Variants in CCDC7 observed in about 807,000 individuals in gnomAD.
CCDC7 encodes the protein coiled-coil domain-containing protein 7.
A neutral mutation model predicts 196.9 loss-of-function variants in CCDC7; 183 were observed. The ratio of observed to expected loss-of-function variants is 0.93; its 90% CI spans 0.82 to 1.05. CCDC7 has a LOEUF of 1.05. Ranked by LOEUF, CCDC7 falls within the 50% of genes least tolerant of loss-of-function variation. CCDC7 has a pLI of 0.00. For synonymous variants in CCDC7, 525 were observed against 484.6 expected (o/e 1.08, Z -1.10); for missense variants, 1,540 against 1,482.2 (o/e 1.04, Z -0.64).
At chr10:32,596,627 C>T (rs577579819) in intron 18 of CCDC7, among the ~76,000 whole-genome samples, 77 of 152,268 alleles carry the variant, frequency 5.1e-4, no homozygotes, top group African/African-American at 1.8e-3. Context: ...TTCCTAGCCT[C>T]GACGATCTTT....
At chr10:32,882,052 T>C (rs527833582), downstream of CCDC7, among the ~76,000 whole-genome samples, 150 of 152,236 alleles carry the variant, frequency 9.9e-4, 3 homozygotes, top group Middle Eastern at 0.014. Context: ...ACAAAGTCCA[T>C]AAGAGCCAGT....
intron 5 of CCDC7, among the ~76,000 whole-genome samples, chr10:32,470,102 A>G (rs1422678521): frequency 6.6e-6 from 1 of 152,026 alleles, no homozygotes; most frequent in South Asian, 2.1e-4. Flanking sequence ...CCAAGCTCAG[A>G]CTTCTAGTGC....
intron 13 of CCDC7, among the ~76,000 whole-genome samples, chr10:32,562,893 G>T (rs180962816): frequency 3.3e-5 from 5 of 151,932 alleles, no homozygotes; most frequent in Admixed American, 1.3e-4. Context: ...TGTCATCTGG[G>T]CTAGAAAACC....
chr10:32,799,966 G>A (rs1433768049), intron 29 of CCDC7, among the ~76,000 whole-genome samples: 2 of 152,210 alleles, frequency 1.3e-5, no homozygotes, highest in East Asian at 3.9e-4. Flanking sequence ...TGGGCCTTAT[G>A]GACAGGAATG....
chr10:32,820,176 A>G (rs1225667431), intron 31 of CCDC7, among the ~76,000 whole-genome samples: 2 of 152,130 alleles, frequency 1.3e-5, no homozygotes, highest in Non-Finnish European at 2.9e-5. Flanking sequence ...CCAATAACAG[A>G]CAGAAAGCCA....
intron 32 of CCDC7, among the ~76,000 whole-genome samples, chr10:32,833,850 C>T (rs1266299836): frequency 6.6e-6 from 1 of 151,990 alleles, no homozygotes; most frequent in Non-Finnish European, 1.5e-5. Flanking sequence ...TGGACTCAAC[C>T]ATTTCTCCAG....
intron 37 of CCDC7, 102 bp from the exon 39 acceptor site, chr10:32,847,731 A>C (rs1200341392): frequency 2.2e-5 from 16 of 743,740 alleles, no homozygotes; most frequent in Non-Finnish European, 3.5e-5. Context: ...AAAAAAGGAA[A>C]AGAAAAGAAA....
intron 11 of CCDC7, 98 bp downstream of exon 12, chr10:32,518,603 T>A (rs1014473733): frequency 3.4e-6 from 3 of 884,442 alleles, no homozygotes; most frequent in Admixed American, 3.9e-5. Context: ...ATATAATATG[T>A]TTTTACTATT....
intron 25 of CCDC7, among the ~76,000 whole-genome samples, chr10:32,721,647 A>G (rs1489141653): frequency 6.6e-6 from 1 of 152,060 alleles, no homozygotes. Context: ...AGGCTTGGCA[A>G]TTGTCTCCTC....
chr10:32,501,204 C>G (rs1304779600), intron 9 of CCDC7, among the ~76,000 whole-genome samples: 1 of 151,964 alleles, frequency 6.6e-6, no homozygotes, highest in Middle Eastern at 3.2e-3. Flanking sequence ...TCACAAAGTT[C>G]TCGTCCTGTG....
At chr10:32,503,804 G>A (rs1000169310) in intron 9 of CCDC7, among the ~76,000 whole-genome samples, 1 of 152,010 alleles carries the variant, frequency 6.6e-6, no homozygotes, top group African/African-American at 2.4e-5. Context: ...ACACTTCTTG[G>A]TCATTATTGG....
At chr10:32,624,750 G>A (rs542581549) in intron 18 of CCDC7, among the ~76,000 whole-genome samples, 20 of 152,102 alleles carry the variant, frequency 1.3e-4, no homozygotes, top group Non-Finnish European at 1.9e-4. Context: ...CACTGGGTGT[G>A]TGTGTGTGTT....
intron 28 of CCDC7, among the ~76,000 whole-genome samples, chr10:32,765,895 T>C (rs2078214490): frequency 6.6e-6 from 1 of 152,076 alleles, no homozygotes; most frequent in South Asian, 2.1e-4. Flanking sequence ...TTTCCTATAG[T>C]GAAGAAGCAG....
chr10:32,574,713 T>C, intron 16 of CCDC7: 1 of 247,458 alleles, frequency 4.0e-6, no homozygotes, highest in Non-Finnish European at 7.9e-6. Context: ...TTTTTAGAAA[T>C]GAAAATGTGA....
At chr10:32,502,972 A>G (rs1462006008) in intron 9 of CCDC7, among the ~76,000 whole-genome samples, 1 of 152,180 alleles carries the variant, frequency 6.6e-6, no homozygotes, top group East Asian at 1.9e-4. Context: ...GTTAATTTAT[A>G]GAAACACAAC....
At chr10:32,714,341 T>C (rs1028429507) in intron 25 of CCDC7, among the ~76,000 whole-genome samples, 1 of 152,180 alleles carries the variant, frequency 6.6e-6, no homozygotes, top group Non-Finnish European at 1.5e-5. Flanking sequence ...CGTGAGGGAC[T>C]GTGCCATGAG....
downstream of CCDC7, among the ~76,000 whole-genome samples, chr10:32,881,107 G>A (rs1283276620): frequency 2.0e-5 from 3 of 152,112 alleles, no homozygotes; most frequent in Non-Finnish European, 4.4e-5. Flanking sequence ...TTTGGGGAGG[G>A]TTTGAGGAAC....
chr10:32,532,023 G>A (rs960109609), intron 11 of CCDC7, among the ~76,000 whole-genome samples: 14 of 151,774 alleles, frequency 9.2e-5, no homozygotes, highest in African/African-American at 3.1e-4. Context: ...ACATTTCTTA[G>A]TCTCAATATC....
intron 28 of CCDC7, among the ~76,000 whole-genome samples, chr10:32,767,781 T>C (rs1450624052): frequency 6.6e-6 from 1 of 152,100 alleles, no homozygotes; most frequent in African/African-American, 2.4e-5. Flanking sequence ...AAGGCATCAG[T>C]AACCAGTTCT....
Sources: gnomAD v4.1 joint callset for allele counts (sites outside exome capture counted in the v4.1 genomes callset) on GRCh38, gnomAD v4.1.1 for gene constraint, MANE v1.5 for transcripts, NCBI Gene and HGNC (gene_info 2026-07-23, HGNC 2026-07-21) for gene names.